Variants in KLF13 observed in about 807,000 individuals in gnomAD.
KLF13 encodes Krueppel-like factor 13.
KLF13 carries 8 observed loss-of-function variants against 16.7 expected under a neutral mutation model. The ratio of observed to expected loss-of-function variants is 0.48; its 90% CI spans 0.28 to 0.87. The LOEUF (loss-of-function observed/expected upper bound fraction) is 0.87. Among genes scored for constraint, KLF13 ranks in the 40% least tolerant of loss-of-function variants. KLF13 has a pLI of 0.10. For synonymous variants in KLF13, 245 were observed against 208.4 expected, an observed-to-expected ratio of 1.18 and a Z score of -1.51; for missense variants, 447 against 452.2, an observed-to-expected ratio of 0.99 and a Z score of 0.10.
At chr15:31,398,122 A>G (rs2039981353) in intron 2 of KLF13, among the ~76,000 whole-genome samples, 1 of 152,324 alleles carries the variant, frequency 6.6e-6, no homozygotes, top group African/African-American at 2.4e-5. Flanking sequence ...GATCTCTCGG[A>G]TAAGGCCTTT....
At chr15:31,383,837 G>A (rs1440779559) in intron 1 of KLF13, among the ~76,000 whole-genome samples, 2 of 152,198 alleles carry the variant, frequency 1.3e-5, no homozygotes, top group East Asian at 1.9e-4. Flanking sequence ...GGGAGGCAGA[G>A]CTTGCAGTGA....
chr15:31,383,775 G>A (rs927702642), intron 1 of KLF13, among the ~76,000 whole-genome samples: 15 of 152,212 alleles, frequency 9.9e-5, no homozygotes, highest in Admixed American at 3.3e-4. Context: ...GGTGGTGGGC[G>A]CCTGTAGTCC....
chr15:31,364,620 G>A (rs1167252512), intron 1 of KLF13, among the ~76,000 whole-genome samples: 3 of 152,274 alleles, frequency 2.0e-5, no homozygotes, highest in South Asian at 4.1e-4. Context: ...AAACAGGCTG[G>A]ATGACAATCC....
At chr15:31,362,576 T>C (rs190542440) in intron 1 of KLF13, among the ~76,000 whole-genome samples, 22 of 152,370 alleles carry the variant, frequency 1.4e-4, no homozygotes. Context: ...GCATTATTGA[T>C]GGCTAGCATT....
chr15:31,405,921 GA>G (rs1266489836), downstream of KLF13, among the ~76,000 whole-genome samples: 1 of 152,192 alleles, frequency 6.6e-6, no homozygotes, highest in Non-Finnish European at 1.5e-5. Context: ...GCAATGAATA[GA>G]ATAAGAGTCA....
chr15:31,394,392 C>T (rs1176905600), intron 2 of KLF13, among the ~76,000 whole-genome samples: 4 of 151,452 alleles, frequency 2.6e-5, no homozygotes, highest in Non-Finnish European at 4.4e-5. Flanking sequence ...GAGGCTGAGG[C>T]GACAGAATGG....
chr15:31,422,579 C>CA (rs2040341956), intron 1 of KLF13, among the ~76,000 whole-genome samples: 1 of 152,052 alleles, frequency 6.6e-6, no homozygotes, highest in Non-Finnish European at 1.5e-5. Context: ...TGGATGGGGA[C>CA]ACAGAGCCAA....
chr15:31,403,071 G>A (rs1320094978), intron 2 of KLF13, among the ~76,000 whole-genome samples: 3 of 152,108 alleles, frequency 2.0e-5, no homozygotes, highest in Non-Finnish European at 2.9e-5. Flanking sequence ...CTTCCCATTT[G>A]CTCTCTCTCT....
intron 1 of KLF13, among the ~76,000 whole-genome samples, chr15:31,350,713 C>A (rs1402691619): frequency 1.3e-5 from 2 of 152,210 alleles, no homozygotes; most frequent in African/African-American, 2.4e-5. Context: ...AGCTTTCAGA[C>A]CTTGAAGGAT....
chr15:31,414,579 T>C (rs2040234161), intron 1 of KLF13, among the ~76,000 whole-genome samples: 1 of 152,144 alleles, frequency 6.6e-6, no homozygotes, highest in Non-Finnish European at 1.5e-5. Context: ...GAGCCTACAG[T>C]AATAGACAAA....
At chr15:31,360,716 GT>G (rs2039369790) in intron 1 of KLF13, among the ~76,000 whole-genome samples, 1 of 152,132 alleles carries the variant, frequency 6.6e-6, no homozygotes, top group Admixed American at 6.5e-5. Flanking sequence ...TGTTGTTGTT[GT>G]TTTGTCTCGG....
rs1053764534 is a variant in KLF13 at position 31,375,688 on chromosome 15, C to G, written c.*3389C>G. 1 of 152,232 alleles carries G rather than the reference C, an allele frequency of 6.6e-6. No individual in the cohort carries two copies. Among genetic ancestry groups the G allele is most frequent in the Admixed American group, 6.5e-5 (1 of 15,288 alleles). 9.4% of individuals were successfully genotyped at this position (152,232 alleles called of 1,614,324 possible). On this transcript the variant is annotated 3_prime_UTR_variant, in exon 2 of 2. Coordinates refer to ENST00000307145, the MANE Select transcript of KLF13 (RefSeq NM_015995.4). ...ATATTAGGGGAACGGTTGTCAGCTC[C>G]CCAAATGCCTACTGGATCCTACAGC...
chr15:31,369,581 G>C (rs1481882377), intron 1 of KLF13, among the ~76,000 whole-genome samples: 2 of 151,968 alleles, frequency 1.3e-5, no homozygotes, highest in Admixed American at 1.3e-4. Context: ...GTCTTTACTG[G>C]GTCCTGAAGT....
chr15:31,358,650 C>T (rs1248428810), intron 1 of KLF13, among the ~76,000 whole-genome samples: 1 of 152,196 alleles, frequency 6.6e-6, no homozygotes, highest in African/African-American at 2.4e-5. Context: ...ATTGCCTTTA[C>T]TTTTGATCAG....
intron 1 of KLF13, among the ~76,000 whole-genome samples, chr15:31,371,443 AG>A (rs2039553187): frequency 2.0e-5 from 3 of 152,242 alleles, no homozygotes; most frequent in Admixed American, 1.3e-4. Flanking sequence ...TTGTGAGAGA[AG>A]GAGCAGCAGA....
In KLF13 at chr15:31,328,404, C is replaced by G. The variant is rs191346738; in HGVS notation, c.577+615C>G. On this transcript the variant is annotated intron_variant, in intron 1 of 1. Coordinates refer to ENST00000307145, the MANE Select transcript of KLF13 (RefSeq NM_015995.4). ...AACCAAAGTCAGCGGCGGCGCTTGG[C>G]GATGCGGGGGGCGGTCCCGGGTCCC... is the stretch of plus-strand genomic sequence containing the variant. Among the ~76,000 whole-genome samples, 1,138 of 152,110 alleles carry G rather than the reference C, an allele frequency of 7.5e-3. 18 individuals are homozygous for G. The highest frequency in any genetic ancestry group is 0.026 in the African/African-American group (1,097 of 41,536).
chr15:31,347,059 C>G (rs778675326), intron 1 of KLF13, among the ~76,000 whole-genome samples: 1 of 152,124 alleles, frequency 6.6e-6, no homozygotes, highest in East Asian at 1.9e-4. Context: ...TGACAGGGCA[C>G]GACACCGAGC....
intron 1 of KLF13, among the ~76,000 whole-genome samples, chr15:31,347,164 C>T (rs1006585668): frequency 6.6e-6 from 1 of 152,200 alleles, no homozygotes; most frequent in Non-Finnish European, 1.5e-5. Flanking sequence ...AGGCGTTCCC[C>T]CCTCCATTGC....
At chr15:31,331,996 T>C (rs1234404047) in intron 1 of KLF13, among the ~76,000 whole-genome samples, 4 of 152,262 alleles carry the variant, frequency 2.6e-5, no homozygotes, top group African/African-American at 9.6e-5. Flanking sequence ...TGTGGTTATA[T>C]GGCTGCATTG....
Sources: allele counts gnomAD v4.1 joint callset (sites outside exome capture counted in the v4.1 genomes callset), GRCh38; gene constraint gnomAD v4.1.1; transcripts MANE v1.5; gene names NCBI Gene and HGNC (gene_info 2026-07-23, HGNC 2026-07-21).